CELF2: variants seen among roughly 807,000 people sequenced by gnomAD.
CELF2 encodes CUG triplet repeat RNA-binding protein 2.
Under a neutral mutation model 62.6 loss-of-function variants are expected in CELF2, and 8 were observed. The ratio of observed to expected loss-of-function variants is 0.13; its 90% CI spans 0.07 to 0.23. The LOEUF (loss-of-function observed/expected upper bound fraction) is 0.23, where lower values mean the gene tolerates loss of function less well. CELF2 is among the 10% of genes least tolerant of loss of function. The probability of loss-of-function intolerance (pLI) is 1.00; values close to 1 mark genes in which losing one functional copy is unlikely to be tolerated. For missense variants in CELF2, 333 were observed against 671.0 expected (o/e 0.50, Z 5.56); for synonymous variants, 258 against 250.0 (o/e 1.03, Z -0.30).
intron 2 of CELF2, among the ~76,000 whole-genome samples, chr10:10,987,869 A>G (rs1004878008): frequency 6.6e-6 from 1 of 152,180 alleles, no homozygotes; most frequent in Non-Finnish European, 1.5e-5. Flanking sequence ...CATGCTCAAC[A>G]TCACTGATTA....
At chr10:11,013,082 G>A (rs1484936000), upstream of CELF2, among the ~76,000 whole-genome samples, 2 of 152,142 alleles carry the variant, frequency 1.3e-5, no homozygotes, top group Non-Finnish European at 2.9e-5. The surrounding 1 kb of genome is among the most constrained non-coding windows in gnomAD (Gnocchi z 4.1). Flanking sequence ...GAAGACAGCT[G>A]TTCCTAGTTC....
rs904441762 is a variant in CELF2 at position 11,110,877 on chromosome 10, C to CA, written c.75-54606dup. On this transcript the variant is annotated intron_variant, in intron 1 of 12. Transcript: ENST00000633077. This position sits in a 1 kb window ranked among gnomAD's most constrained non-coding sequence, Gnocchi z 4.0. ...AGCCTAGACCCCCACTAACAAGGAG[C>CA]AAAGCCCTTGGAAACGCAGCACTGC... 6.6e-6 allele frequency among the ~76,000 whole-genome samples: 1 copy of CA among 152,156 alleles called. No homozygotes were observed. Among genetic ancestry groups the CA allele is most frequent in the Non-Finnish European group, 1.5e-5 (1 of 68,042 alleles).
intron 7 of CELF2, among the ~76,000 whole-genome samples, chr10:11,274,447 G>A (rs1357621143): frequency 6.6e-6 from 1 of 152,224 alleles, no homozygotes; most frequent in Non-Finnish European, 1.5e-5. Flanking sequence ...TACAACGCGT[G>A]ACTTCGATGT....
At position 10,925,393 on chromosome 10, in the gene CELF2, T is replaced by C. The variant is rs191740654; in HGVS notation, c.89+5394T>C. Among the ~76,000 whole-genome samples the C allele has an allele frequency of 1.2e-3, 177 of 152,040 alleles. 2 individuals are homozygous for C. The highest frequency in any genetic ancestry group is 3.4e-3 in the Middle Eastern group (1 of 294). ...TCGTTAATTCAACCAGGGTACAGCA[T>C]GCACTAAGTATATGCCAAGCATGGT... On this transcript the variant is annotated intron_variant, in intron 2 of 13. Transcript: ENST00000636488.
chr10:10,920,564 T>A (rs1323749932), intron 2 of CELF2, among the ~76,000 whole-genome samples: 1 of 152,230 alleles, frequency 6.6e-6, no homozygotes, highest in African/African-American at 2.4e-5. Context: ...ATATGTAATT[T>A]ATCAATGTGT....
At chr10:10,816,185 G>T (rs1214430952) in intron 1 of CELF2, among the ~76,000 whole-genome samples, 1 of 152,156 alleles carries the variant, frequency 6.6e-6, no homozygotes, top group Non-Finnish European at 1.5e-5. Flanking sequence ...AGTAAAGACA[G>T]TTCAGACAAG....
At chr10:10,619,863 G>T in the CELF2 span, among the ~76,000 whole-genome samples, 2 of 152,240 alleles carry the variant, frequency 1.3e-5, no homozygotes, top group South Asian at 2.1e-4. Flanking sequence ...GGAAGAAGGG[G>T]GTTTTGGCTT....
At chr10:10,810,915 A>C (rs1273493346) in intron 1 of CELF2, among the ~76,000 whole-genome samples, 2 of 152,216 alleles carry the variant, frequency 1.3e-5, no homozygotes. Flanking sequence ...CAGGGAATGA[A>C]TCCCCACTCA....
At chr10:10,793,784 A>G (rs1478614885), upstream of CELF2, among the ~76,000 whole-genome samples, 4 of 152,166 alleles carry the variant, frequency 2.6e-5, no homozygotes, top group Non-Finnish European at 5.9e-5. Context: ...AGAACAAATA[A>G]ATTTATTTTG....
chr10:10,672,176 T>A, the CELF2 span, among the ~76,000 whole-genome samples: 1 of 152,230 alleles, frequency 6.6e-6, no homozygotes, highest in Non-Finnish European at 1.5e-5. Flanking sequence ...CAAATATTTA[T>A]CGCCGGTCTG....
At chr10:10,968,762 G>T (rs189686718) in intron 2 of CELF2, among the ~76,000 whole-genome samples, 10 of 152,024 alleles carry the variant, frequency 6.6e-5, no homozygotes, top group Admixed American at 6.6e-4. Context: ...ATCGTGGTGG[G>T]ACCATTGCTT....
At chr10:11,041,730 C>T (rs182911875) in intron 1 of CELF2, among the ~76,000 whole-genome samples, 99 of 152,258 alleles carry the variant, frequency 6.5e-4, no homozygotes, top group African/African-American at 2.3e-3. Flanking sequence ...GCTGTGAATC[C>T]AGTGGGATCT....
At chr10:10,596,239 A>G in the CELF2 span, among the ~76,000 whole-genome samples, 4 of 141,352 alleles carry the variant, frequency 2.8e-5, no homozygotes, top group Non-Finnish European at 6.3e-5. Context: ...TTGAAAAAGG[A>G]TTCTAACTTC....
chr10:11,102,865 G>T (rs2052142697), intron 1 of CELF2, among the ~76,000 whole-genome samples: 1 of 152,158 alleles, frequency 6.6e-6, no homozygotes, highest in Admixed American at 6.5e-5. Flanking sequence ...AGCCCTGTCA[G>T]TTTTTTCTTT....
At chr10:11,155,336 A>G (rs1366275869) in intron 1 of CELF2, among the ~76,000 whole-genome samples, 1 of 150,626 alleles carries the variant, frequency 6.6e-6, no homozygotes, top group Non-Finnish European at 1.5e-5. Context: ...GCTTTTCACC[A>G]CGAGGCTGCT....
intron 1 of CELF2, among the ~76,000 whole-genome samples, chr10:10,838,525 G>A (rs186439265): frequency 6.4e-4 from 97 of 152,268 alleles, no homozygotes; most frequent in African/African-American, 2.2e-3. Context: ...TGGAAGTTAT[G>A]TCTCTCGTTT....
At chr10:10,527,989 G>C in the CELF2 span, among the ~76,000 whole-genome samples, 1 of 152,134 alleles carries the variant, frequency 6.6e-6, no homozygotes, top group African/African-American at 2.4e-5. Flanking sequence ...TCCTCAGAGC[G>C]TTTAAATGAC....
chr10:10,949,062 T>C (rs969834195), intron 2 of CELF2, among the ~76,000 whole-genome samples: 10 of 151,992 alleles, frequency 6.6e-5, no homozygotes, highest in African/African-American at 2.2e-4. Flanking sequence ...CCAGAGAGAA[T>C]TGGAGGAGGT....
chr10:11,325,184 A>G (rs934535760), intron 11 of CELF2, among the ~76,000 whole-genome samples: 1 of 152,198 alleles, frequency 6.6e-6, no homozygotes, highest in Non-Finnish European at 1.5e-5. Flanking sequence ...CCCAGCTTCT[A>G]CATCCACTGC....
Sources: allele counts gnomAD v4.1 joint callset (sites outside exome capture counted in the v4.1 genomes callset), GRCh38; gene constraint gnomAD v4.1.1; non-coding constraint Gnocchi (gnomAD v3.1); transcripts MANE v1.5; gene names NCBI Gene and HGNC (gene_info 2026-07-23, HGNC 2026-07-21).